The following PNPLA7 variants were observed in gnomAD, a reference collection of about 807,000 sequenced individuals.
The protein encoded by PNPLA7 is patatin-like phospholipase domain-containing protein 7.
Under a neutral mutation model 161.7 loss-of-function variants are expected in PNPLA7, and 153 were observed. The observed-to-expected ratio is 0.95, with a 90% CI of 0.83 to 1.08. The LOEUF (loss-of-function observed/expected upper bound fraction) is 1.08. Among genes scored for constraint, PNPLA7 ranks in the 50% least tolerant of loss-of-function variants. The pLI is 0.00. For synonymous variants in PNPLA7, 809 were observed against 782.1 expected (o/e 1.03, Z -0.57); for missense variants, 1,739 against 1,856.6 (o/e 0.94, Z 1.16).
At chr9:137,480,616 T>C in intron 22 of PNPLA7, 136 bp from the exon 23 acceptor site, 1 of 1,007,598 alleles carries the variant, frequency 9.9e-7, no homozygotes, top group South Asian at 1.7e-5. Flanking sequence ...CTTCCTGCCA[T>C]CGCTAGTTCG....
intron 12 of PNPLA7, among the ~76,000 whole-genome samples, chr9:137,513,320 G>C (rs1002391022): frequency 6.6e-6 from 1 of 151,868 alleles, no homozygotes; most frequent in Non-Finnish European, 1.5e-5. Context: ...GGGAAACCCC[G>C]TCTCTACTAA....
intron 23 of PNPLA7, chr9:137,479,494 C>G (rs552856199): frequency 1.7e-6 from 2 of 1,207,136 alleles, no homozygotes; most frequent in East Asian, 6.9e-5. Flanking sequence ...TTCTCTAACA[C>G]TGCCTCATAA....
At position 137,523,365 on chromosome 9, in the gene PNPLA7, C is replaced by G. The variant is rs1019020510; in HGVS notation, c.748-508G>C. 2.0e-5 allele frequency among the ~76,000 whole-genome samples: 3 copies of G among 152,094 alleles called. No homozygotes were observed. Among genetic ancestry groups the G allele is most frequent in the Non-Finnish European group, 4.4e-5 (3 of 68,010 alleles). On this transcript the variant is annotated intron_variant, in intron 8 of 34. Transcript: ENST00000406427. The surrounding 1 kb of genome is among the most constrained non-coding windows in gnomAD (Gnocchi z 4.4). ...GGACAGGGAGCGCGCACTGCCGGGT[C>G]GCACGAGGCCCAGGTGAGGAGCCAC... is the stretch of plus-strand genomic sequence containing the variant.
Position 137,480,331 on chromosome 9 carries a change from T to C in PNPLA7, c.2561A>G (p.Gln854Arg). ...DCILIVGLGD[Q>R]EPTVGELERM... is the part of the protein sequence containing the mutation. ...GCTCACCTCGCCCACTGTGGGCTCC[T>C]GGTCACCCAGGCCCACGATGAGGAT... The change falls in exon 23 of 35, where the codon CAG becomes CGG. Residue 854 changes from glutamine (Q) to arginine (R), a missense_variant. By Grantham distance (43) the Gln-to-Arg change is conservative. Coordinates refer to ENST00000406427, the MANE Select transcript of PNPLA7 (RefSeq NM_001098537.3). 6.2e-7 allele frequency: 1 copy of C among 1,612,772 alleles called. No homozygotes were observed. Among genetic ancestry groups the C allele is most frequent in the Non-Finnish European group, 8.5e-7 (1 of 1,179,812 alleles).
chr9:137,518,102 T>C (rs1307001031), intron 11 of PNPLA7, among the ~76,000 whole-genome samples: 7 of 85,386 alleles, frequency 8.2e-5, no homozygotes, highest in African/African-American at 1.6e-4. Context: ...CTCCACTCTG[T>C]CCACTCCATC....
In PNPLA7 at chr9:137,500,790, A is replaced by G; in HGVS notation, c.1658T>C (p.Val553Ala). The G allele has an allele frequency of 6.2e-7, 1 of 1,611,532 alleles. No individual in the cohort carries two copies. The highest frequency in any genetic ancestry group is 8.5e-7 in the Non-Finnish European group (1 of 1,179,588). ...CLFLTRPGEM[V>A]GQLAVLTGEP... ...CCCGGTGAGCACGGCCAGCTGGCCC[A>G]CCATCTCCCCGGGGCGCGTGAGGAA... The change falls in exon 16 of 35, where the codon GTG becomes GCG. Residue 553 changes from valine (V) to alanine (A), a missense_variant. Physicochemically the swap from Val to Ala is moderately conservative, Grantham distance 64. Coordinates refer to ENST00000406427, the MANE Select transcript of PNPLA7 (RefSeq NM_001098537.3). The surrounding 1 kb of genome is among the most constrained non-coding windows in gnomAD (Gnocchi z 5.5).
chr9:137,501,627 C>T (rs1303983673), intron 15 of PNPLA7, 23 bp downstream of exon 15: 2 of 1,481,406 alleles, frequency 1.4e-6, no homozygotes, highest in Non-Finnish European at 1.8e-6. Context: ...GGTCCCAGTG[C>T]CCCCCCCCAG....
At chr9:137,484,847 GCCGCCTGGCCCTC>G in intron 20 of PNPLA7, 111 bp from the exon 21 acceptor site, 1 of 1,323,720 alleles carries the variant, frequency 7.6e-7, no homozygotes, top group Non-Finnish European at 1.0e-6. Flanking sequence ...AGCACCAGAG[GCCGCCTGGCCCTC>G]CCGCCTCCCC....
intron 33 of PNPLA7, chr9:137,461,118 T>C (rs1831169242): frequency 3.1e-6 from 1 of 327,634 alleles, no homozygotes. Context: ...TGTCCAGTTC[T>C]GCTGTGAGGA....
At chr9:137,525,250 C>T (rs1289912999) in intron 8 of PNPLA7, among the ~76,000 whole-genome samples, 2 of 152,218 alleles carry the variant, frequency 1.3e-5, no homozygotes, top group African/African-American at 2.4e-5. Flanking sequence ...GTATAGGGTC[C>T]AGCCCTACTG....
In PNPLA7 at chr9:137,500,163, T is replaced by C. The variant is rs1003314039; in HGVS notation, c.1757+528A>G. ...GACAGATGTCTTCCAGCCCGGAGCCTGGAAGGCGACACGGGCACATTCTGC... is the reference window on the plus strand; with the variant it reads ...GACAGATGTCTTCCAGCCCGGAGCCCGGAAGGCGACACGGGCACATTCTGC... On this transcript the variant is annotated intron_variant, in intron 16 of 34. Coordinates refer to ENST00000406427, the MANE Select transcript of PNPLA7 (RefSeq NM_001098537.3). The surrounding 1 kb of genome is among the most constrained non-coding windows in gnomAD (Gnocchi z 5.5). 6.6e-5 allele frequency among the ~76,000 whole-genome samples: 10 copies of C among 152,196 alleles called. No homozygotes were observed. Among genetic ancestry groups the C allele is most frequent in the African/African-American group, 2.2e-4 (9 of 41,448 alleles).
At chr9:137,491,416 T>C (rs1832756406) in intron 20 of PNPLA7, 1 of 892,298 alleles carries the variant, frequency 1.1e-6, no homozygotes, top group Non-Finnish European at 1.3e-6. Flanking sequence ...TCAGAAGGGA[T>C]GAGGAACACA....
rs113833294 is a variant in PNPLA7, at chr9:137,497,292, G to C, written c.1908C>G (p.Asp636Glu). Residue 636 changes from aspartate (D) to glutamate (E), a missense_variant, in exon 18 of 35, where the codon GAC (aspartate) becomes GAG (glutamate). This residue lies in a region of PNPLA7 where 481 missense variants were observed against 450.0 expected (regional missense o/e 1.07). Transcript: ENST00000406427. ...GGCCGCTGAGCATGATGTACGTGCA[G>C]TCGGACTTGTCCCCCTGCCTGCGGA... ...RAIYRQGDKS[D>E]CTYIMLSGRL... The C allele has an allele frequency of 2.5e-6, 4 of 1,575,962 alleles. No individual in the cohort carries two copies. The highest frequency in any genetic ancestry group is 1.7e-4 in the Middle Eastern group (1 of 6,014).
At chr9:137,511,814 TAG>T (rs771506786) in intron 12 of PNPLA7, among the ~76,000 whole-genome samples, 1 of 152,248 alleles carries the variant, frequency 6.6e-6, no homozygotes, top group Non-Finnish European at 1.5e-5. Context: ...GCGAAAGTAT[TAG>T]AGTCTTTGAT....
At chr9:137,491,013 C>G (rs1251459994) in intron 20 of PNPLA7, among the ~76,000 whole-genome samples, 1 of 152,170 alleles carries the variant, frequency 6.6e-6, no homozygotes, top group Non-Finnish European at 1.5e-5. Flanking sequence ...GCTAGAGTAA[C>G]CACTGAAAAT....
chr9:137,493,083 C>T lies in PNPLA7; in HGVS notation c.2128-1G>A. Reference sequence around the variant, plus strand: ...AGAGATGAATCAGCCGAGTCACCACCTGCGGGCAGACACAGGAGCCAAGAG... The same window carrying T: ...AGAGATGAATCAGCCGAGTCACCACTTGCGGGCAGACACAGGAGCCAAGAG... On this transcript the variant is annotated splice_acceptor_variant, in intron 19 of 34. Coordinates refer to ENST00000406427, the MANE Select transcript of PNPLA7 (RefSeq NM_001098537.3). LOFTEE classifies it high-confidence loss of function. 6.2e-7 allele frequency: 1 copy of T among 1,613,908 alleles called. No individual in the cohort carries two copies. Among genetic ancestry groups the T allele is most frequent in the Non-Finnish European group, 8.5e-7 (1 of 1,179,990 alleles).
chr9:137,502,685 A>AGGGGGATGTGGGAGATGAGGGGGACGC (rs1554767732), intron 14 of PNPLA7, among the ~76,000 whole-genome samples: 39 of 440 alleles, frequency 0.089, 13 homozygotes, highest in East Asian at 0.3. Flanking sequence ...TCGGGAGATG[A>AGGGGGATGTGGGAGATGAGGGGGACGC]GGGGGACGGG....
intron 21 of PNPLA7, among the ~76,000 whole-genome samples, chr9:137,483,336 C>T (rs1323247472): frequency 6.6e-6 from 1 of 152,180 alleles, no homozygotes; most frequent in Non-Finnish European, 1.5e-5. Flanking sequence ...ACTGATGTCA[C>T]CGGAAATGAG....
intron 25 of PNPLA7, among the ~76,000 whole-genome samples, chr9:137,472,315 G>A (rs1435208405): frequency 2.0e-5 from 3 of 151,948 alleles, no homozygotes; most frequent in Admixed American, 6.6e-5. Context: ...GGCTGGGTAC[G>A]GTGGCTCAGC....
Sources: gnomAD v4.1 joint callset for allele counts (sites outside exome capture counted in the v4.1 genomes callset) on GRCh38, gnomAD v4.1.1 for gene constraint, gnomAD v4.1.1 regional missense constraint, Gnocchi (gnomAD v3.1) non-coding constraint, MANE v1.5 for transcripts, NCBI Gene and HGNC (gene_info 2026-07-23, HGNC 2026-07-21) for gene names.